Variants in EEF2 observed in about 807,000 individuals in gnomAD.
EEF2 encodes elongation factor 2.
A neutral mutation model predicts 85.3 loss-of-function variants in EEF2; 21 were observed. The observed-to-expected ratio is 0.25, with a 90% CI of 0.17 to 0.35. The LOEUF (loss-of-function observed/expected upper bound fraction) is 0.35. EEF2 is among the 10% of genes least tolerant of loss of function. The pLI is 1.00. For missense variants in EEF2, 825 were observed against 1,225.3 expected, an observed-to-expected ratio of 0.67 and a Z score of 4.88; for synonymous variants, 723 against 508.8, an observed-to-expected ratio of 1.42 and a Z score of -5.67.
chr19:3,983,317 G>A (rs1390636786), intron 2 of EEF2, 26 bp from the exon 3 acceptor site: 1 of 1,606,310 alleles, frequency 6.2e-7, no homozygotes, highest in East Asian at 2.2e-5. Flanking sequence ...ACTCGTCAGG[G>A]GGACAGGAGC....
rs1391210110 is a variant in EEF2 at position 3,977,203 on chromosome 19, G to A, written c.2383+12C>T. ...TGCCAGGCTCTGCAGGCCACACCGG[G>A]CAGGCACTCACCAAAGGACTCGTTG... On this transcript the variant is annotated intron_variant, in intron 14 of 14. Coordinates refer to ENST00000309311, the MANE Select transcript of EEF2 (RefSeq NM_001961.4). The surrounding 1 kb of genome is among the most constrained non-coding windows in gnomAD (Gnocchi z 5.4). 1.2e-6 allele frequency: 2 copies of A among 1,612,370 alleles called. No homozygotes were observed. Among genetic ancestry groups the A allele is most frequent in the Non-Finnish European group, 1.7e-6 (2 of 1,179,302 alleles).
rs907273439 is a variant in EEF2 at position 3,985,443 on chromosome 19, G to A, written c.-63C>T. 2 of 1,443,790 alleles carry A rather than the reference G, an allele frequency of 1.4e-6. No individual in the cohort carries two copies. Among genetic ancestry groups the A allele is most frequent in the East Asian group, 5.5e-5 (2 of 36,390 alleles). 89.4% of individuals were successfully genotyped at this position (1,443,790 alleles called of 1,614,324 possible). A position where few individuals can be genotyped will look rare whatever the true frequency, so the allele number is the denominator to read the frequency against. On this transcript the variant is annotated 5_prime_UTR_variant, in exon 1 of 15. Transcript: ENST00000309311. The stretch of plus-strand genomic sequence containing the variant: ...AAAGAAGCGAGTCGCGCCGAGGATG[G>A]CGGCGACGACGGCGGAAGAGAACGC...
In EEF2 at chr19:3,984,282, G is replaced by A. The variant is rs1260676200; in HGVS notation, c.72C>T (p.Val24=). The part of the protein sequence containing the change: ...DKKANIRNMS[V]IAHVDHGKST... ...ACTTGCCATGGTCCACGTGGGCGAT[G>A]ACAGACATGTTGCGGATGTTGGCCT... The change falls in exon 2 of 15, where the codon GTC becomes GTT. Residue 24 remains valine, a synonymous_variant. Transcript: ENST00000309311. The A allele has an allele frequency of 6.2e-7, 1 of 1,614,208 alleles. No homozygotes were observed. The highest frequency in any genetic ancestry group is 1.3e-5 in the African/African-American group (1 of 75,058).
In EEF2 at chr19:3,983,230, C is replaced by A; in HGVS notation, c.280G>T (p.Asp94Tyr). The A allele has an allele frequency of 6.2e-7, 1 of 1,613,986 alleles. No individual in the cohort carries two copies. The highest frequency in any genetic ancestry group is 8.5e-7 in the Non-Finnish European group (1 of 1,179,982). ...AGGTTGATGAGGAAGCCGGCACCGT[C>A]CTTGCTCTGCTTGATGAAGTTCAAG... ...NDLNFIKQSK[D>Y]GAGFLINLID... The change falls in exon 3 of 15, where the codon GAC (aspartate) becomes TAC (tyrosine). Residue 94 changes from aspartate to tyrosine, a missense_variant. Coordinates refer to ENST00000309311, the MANE Select transcript of EEF2 (RefSeq NM_001961.4).
rs913494270 is a variant in EEF2 at position 3,976,857 on chromosome 19, C to G, written c.2384-110G>C. On this transcript the variant is annotated intron_variant, in intron 14 of 14. Coordinates refer to ENST00000309311, the MANE Select transcript of EEF2 (RefSeq NM_001961.4). ...CCTCAGCCTGAGTCACCCTGCAGACCAGACACTCGGCCTGGTGCCCAGCAC... is the reference window on the plus strand; with the variant it reads ...CCTCAGCCTGAGTCACCCTGCAGACGAGACACTCGGCCTGGTGCCCAGCAC... The G allele has an allele frequency of 2.4e-6, 3 of 1,258,626 alleles. No homozygotes were observed. The African/African-American group carries it at 4.5e-5, about 19-fold the overall frequency. The allele number at this position is 1,258,626 out of a possible 1,614,324, so 78.0% of individuals were successfully genotyped here.
In EEF2 at chr19:3,980,993, G is replaced by A; in HGVS notation, c.1012-14C>T. On this transcript the variant is annotated splice_polypyrimidine_tract_variant and intron_variant, in intron 7 of 14. Transcript: ENST00000309311. ...GCGCATCACAGCCTGCGGGGGCAGA[G>A]AGCGGTGCATGAGACACCTGGGGAG... 1.3e-6 allele frequency: 2 copies of A among 1,564,990 alleles called. No homozygotes were observed. The highest frequency in any genetic ancestry group is 8.6e-7 in the Non-Finnish European group (1 of 1,156,884).
At chr19:3,979,118 C>A (rs1201250476) in intron 11 of EEF2, among the ~76,000 whole-genome samples, 1 of 152,020 alleles carries the variant, frequency 6.6e-6, no homozygotes, top group Admixed American at 6.6e-5. Context: ...GATGACACAG[C>A]GAGACTATCT....
At chr19:3,981,085 C>T (rs1311938323) in intron 7 of EEF2, 106 bp from the exon 8 acceptor site, 8 of 1,471,800 alleles carry the variant, frequency 5.4e-6, no homozygotes, top group East Asian at 4.9e-5. Context: ...TCAGGACTAA[C>T]GTTCTCCAAA....
chr19:3,978,122 G>A lies in EEF2; in HGVS notation c.1764C>T (p.Asn588=), dbSNP rs763197514. The part of the protein sequence containing the change: ...SYRETVSEES[N]VLCLSKSPNK... Reference sequence around the variant, plus strand: ...TGGGGGACTTGGAGAGGCAGAGCACGTTCGACTCTTCACTGACCGTCTCGC... The same window carrying A: ...TGGGGGACTTGGAGAGGCAGAGCACATTCGACTCTTCACTGACCGTCTCGC... Residue 588 remains asparagine (N), a synonymous_variant, in exon 12 of 15, where the codon AAC becomes AAT. Coordinates refer to ENST00000309311, the MANE Select transcript of EEF2 (RefSeq NM_001961.4). 31 of 1,500,312 alleles carry A rather than the reference G, an allele frequency of 2.1e-5. No individual in the cohort carries two copies. Among genetic ancestry groups the A allele is most frequent in the South Asian group, 1.1e-4 (8 of 75,826 alleles). 92.9% of individuals were successfully genotyped at this position (1,500,312 alleles called of 1,614,324 possible). A position where few individuals can be genotyped will look rare whatever the true frequency, so the allele number is the denominator to read the frequency against.
chr19:3,983,866 G>A (rs540716128), intron 2 of EEF2: 6 of 512,286 alleles, frequency 1.2e-5, no homozygotes, highest in Admixed American at 9.9e-5. Context: ...AACCTCTCCA[G>A]ATATTGTAGG....
intron 10 of EEF2, 111 bp from the exon 11 acceptor site, chr19:3,979,547 G>T: frequency 9.5e-7 from 1 of 1,054,502 alleles, no homozygotes; most frequent in Non-Finnish European, 1.4e-6. Context: ...TTTCAGGGAA[G>T]GTGCTGGGAA....
chr19:3,982,558 T>C (rs750171554), intron 4 of EEF2, 134 bp from the exon 5 acceptor site: 39 of 1,274,146 alleles, frequency 3.1e-5, no homozygotes, highest in Non-Finnish European at 4.1e-5. Context: ...GAAGAAATGA[T>C]CAGTCATCAC....
At position 3,984,219 on chromosome 19, in the gene EEF2, G is replaced by C; in HGVS notation, c.135C>G (p.Ile45Met). 6.2e-7 allele frequency: 1 copy of C among 1,614,122 alleles called. No homozygotes were observed. Among genetic ancestry groups the C allele is most frequent in the Non-Finnish European group, 8.5e-7 (1 of 1,180,030 alleles). The stretch of plus-strand genomic sequence containing the variant: ...TCTCCCCGGCCCGGGCCGAGGCGAT[G>C]ATGCCCGCCTTGCACACCAGGGAGT... ...LTDSLVCKAGIIASARAGETR... is the reference protein window; with the variant it reads ...LTDSLVCKAGMIASARAGETR... The change falls in exon 2 of 15, where the codon ATC becomes ATG. Residue 45 changes from isoleucine (I) to methionine (M), a missense_variant. Coordinates refer to ENST00000309311, the MANE Select transcript of EEF2 (RefSeq NM_001961.4).
At chr19:3,982,182 C>A in intron 5 of EEF2, 64 bp downstream of exon 5, 3 of 1,603,806 alleles carry the variant, frequency 1.9e-6, no homozygotes, top group East Asian at 2.2e-5. Flanking sequence ...GCACACCACG[C>A]CCCTACGTCG....
intron 9 of EEF2, 151 bp from the exon 10 acceptor site, chr19:3,980,217 G>C (rs901617667): frequency 1.0e-4 from 124 of 1,218,044 alleles, no homozygotes; most frequent in Non-Finnish European, 1.2e-4. Flanking sequence ...CTGCGTCGGG[G>C]CTGTCAGGAA....
intron 4 of EEF2, 157 bp downstream of exon 4, chr19:3,982,650 G>A: frequency 2.7e-6 from 3 of 1,098,886 alleles, no homozygotes; most frequent in South Asian, 2.8e-5. Flanking sequence ...ATCAAGGGCT[G>A]GGTCAAGTCG....
chr19:3,977,472 C>A lies in EEF2; in HGVS notation c.2206G>T (p.Ala736Ser). Residue 736 changes from alanine (A) to serine (S), a missense_variant, in exon 13 of 15, where the codon GCC becomes TCC. Ala to Ser is a moderately conservative substitution (Grantham distance 99). Coordinates refer to ENST00000309311, the MANE Select transcript of EEF2 (RefSeq NM_001961.4). This position sits in a 1 kb window ranked among gnomAD's most constrained non-coding sequence, Gnocchi z 5.4. ...ATGGGCTCCATGAGGCGTGGCTGGGCGGTCAGCACACTGGCATAGAGGCAG... is the reference window on the plus strand; with the variant it reads ...ATGGGCTCCATGAGGCGTGGCTGGGAGGTCAGCACACTGGCATAGAGGCAG... ...RRCLYASVLT[A>S]QPRLMEPIYL... 1 of 1,582,768 alleles carries A rather than the reference C, an allele frequency of 6.3e-7. No homozygotes were observed. Among genetic ancestry groups the A allele is most frequent in the Non-Finnish European group, 8.6e-7 (1 of 1,166,992 alleles).
chr19:3,979,990 C>T lies in EEF2; in HGVS notation c.1423G>A (p.Val475Met), dbSNP rs2039725244. ...PCGNIVGLVG[V>M]DQFLVKTGTI... ...CCCGTCTTCACCAGGAACTGGTCCACGCCCACGAGGCCCACAATGTTCCCA... is the reference window on the plus strand; with the variant it reads ...CCCGTCTTCACCAGGAACTGGTCCATGCCCACGAGGCCCACAATGTTCCCA... The change falls in exon 10 of 15, where the codon GTG becomes ATG. Residue 475 changes from valine (V) to methionine (M), a missense_variant. By Grantham distance (21) the Val-to-Met change is conservative. Transcript: ENST00000309311. 4 of 1,613,788 alleles carry T rather than the reference C, an allele frequency of 2.5e-6. No individual in the cohort carries two copies. The highest frequency in any genetic ancestry group is 1.3e-5 in the African/African-American group (1 of 74,952).
At chr19:3,980,740 T>A (rs1288769614) in intron 8 of EEF2, 31 bp from the exon 9 acceptor site, 2 of 1,607,814 alleles carry the variant, frequency 1.2e-6, no homozygotes, top group East Asian at 4.5e-5. Context: ...GCAAGCTTTA[T>A]TCCAGTGCAG....
Sources: gnomAD v4.1 joint callset for allele counts (sites outside exome capture counted in the v4.1 genomes callset) on GRCh38, gnomAD v4.1.1 for gene constraint, Gnocchi (gnomAD v3.1) non-coding constraint, MANE v1.5 for transcripts, NCBI Gene and HGNC (gene_info 2026-07-23, HGNC 2026-07-21) for gene names.